GRID2: variants seen among roughly 807,000 people sequenced by gnomAD.
The protein encoded by GRID2 is glutamate receptor ionotropic, delta-2.
GRID2 carries 33 observed loss-of-function variants against 114.8 expected under a neutral mutation model. The observed-to-expected ratio is 0.29, with a 90% confidence interval of 0.22 to 0.38. The LOEUF (loss-of-function observed/expected upper bound fraction) is 0.38, where lower values mean the gene tolerates loss of function less well. Among genes scored for constraint, GRID2 ranks in the 10% least tolerant of loss-of-function variants. The probability of loss-of-function intolerance (pLI) is 1.00; values close to 1 mark genes in which losing one functional copy is unlikely to be tolerated. For synonymous variants in GRID2, 505 were observed against 449.9 expected, an observed-to-expected ratio of 1.12 and a Z score of -1.55; for missense variants, 1,184 against 1,257.7, an observed-to-expected ratio of 0.94 and a Z score of 0.89.
chr4:92,349,735 C>T (rs1425024175), intron 1 of GRID2, among the ~76,000 whole-genome samples: 1 of 151,450 alleles, frequency 6.6e-6, no homozygotes, highest in Non-Finnish European at 1.5e-5. Context: ...TATAAAAATA[C>T]AATTGAGGAT....
At chr4:93,235,465 C>T (rs541654804) in intron 7 of GRID2, among the ~76,000 whole-genome samples, 20 of 152,058 alleles carry the variant, frequency 1.3e-4, no homozygotes, top group South Asian at 4.2e-4. Flanking sequence ...CACCAAGGCT[C>T]TGTTTTCAAG....
intron 14 of GRID2, among the ~76,000 whole-genome samples, chr4:93,718,579 T>C (rs566323410): frequency 6.6e-6 from 1 of 152,294 alleles, no homozygotes; most frequent in African/African-American, 2.4e-5. Context: ...CCAAAGCACC[T>C]AAAACAATAG....
intron 2 of GRID2, among the ~76,000 whole-genome samples, chr4:92,661,742 T>G (rs560516220): frequency 6.6e-6 from 1 of 150,996 alleles, no homozygotes; most frequent in African/African-American, 2.4e-5. Context: ...GATGTATATG[T>G]TTAATTTCTC....
intron 8 of GRID2, among the ~76,000 whole-genome samples, chr4:93,377,647 A>G (rs1356725866): frequency 2.0e-5 from 3 of 152,210 alleles, no homozygotes; most frequent in Non-Finnish European, 4.4e-5. Flanking sequence ...TACCAAATAT[A>G]TTTCAAAATA....
intron 2 of GRID2, among the ~76,000 whole-genome samples, chr4:92,766,460 C>G (rs549476190): frequency 6.6e-6 from 1 of 150,874 alleles, no homozygotes; most frequent in Admixed American, 6.6e-5. Flanking sequence ...TGGCGTGAAC[C>G]CAGGAGGTGG....
intron 1 of GRID2, among the ~76,000 whole-genome samples, chr4:92,391,914 T>G (rs955284753): frequency 2.6e-5 from 4 of 152,236 alleles, no homozygotes; most frequent in Non-Finnish European, 5.9e-5. Flanking sequence ...TGGTGTCTGC[T>G]GCTAAAATCA....
chr4:92,490,748 C>T (rs141690794), intron 1 of GRID2, among the ~76,000 whole-genome samples: 2 of 152,212 alleles, frequency 1.3e-5, no homozygotes, highest in African/African-American at 2.4e-5. Flanking sequence ...AGAGGCCGTC[C>T]TCTCCAAAGT....
intron 2 of GRID2, among the ~76,000 whole-genome samples, chr4:92,624,544 A>AT (rs1730428332): frequency 1.3e-5 from 2 of 151,706 alleles, no homozygotes; most frequent in East Asian, 1.9e-4. Flanking sequence ...TCATCAAAAT[A>AT]TTTTTTTCCA....
At chr4:93,600,228 C>T (rs1326594976) in intron 13 of GRID2, among the ~76,000 whole-genome samples, 1 of 151,368 alleles carries the variant, frequency 6.6e-6, no homozygotes, top group Admixed American at 6.6e-5. Flanking sequence ...TTGGATTTTA[C>T]AAAAACAAAA....
intron 13 of GRID2, among the ~76,000 whole-genome samples, chr4:93,559,298 C>T (rs1172038027): frequency 2.0e-5 from 3 of 152,092 alleles, no homozygotes; most frequent in Non-Finnish European, 2.9e-5. Flanking sequence ...AGTGAACAGG[C>T]AACCTACAGA....
chr4:93,629,357 T>A (rs1052088677), intron 14 of GRID2, among the ~76,000 whole-genome samples: 1 of 152,178 alleles, frequency 6.6e-6, no homozygotes, highest in African/African-American at 2.4e-5. Flanking sequence ...CCTGGACATA[T>A]GGAGAAAAGG....
intron 1 of GRID2, among the ~76,000 whole-genome samples, chr4:92,426,294 C>T (rs973027743): frequency 2.6e-5 from 4 of 151,948 alleles, no homozygotes; most frequent in Non-Finnish European, 5.9e-5. Flanking sequence ...TCTTGGTCCA[C>T]GGAATATATG....
intron 4 of GRID2, among the ~76,000 whole-genome samples, chr4:93,139,967 T>C (rs1001485819): frequency 6.6e-6 from 1 of 152,066 alleles, no homozygotes; most frequent in Non-Finnish European, 1.5e-5. Flanking sequence ...GCACATAGCA[T>C]ATAAAGGAAG....
At chr4:93,042,711 A>G (rs537211700) in intron 2 of GRID2, among the ~76,000 whole-genome samples, 1 of 145,432 alleles carries the variant, frequency 6.9e-6, no homozygotes, top group Non-Finnish European at 1.5e-5. Flanking sequence ...ATGCATATAT[A>G]TATAGATATA....
At chr4:92,614,966 C>T (rs1231498630) in intron 2 of GRID2, among the ~76,000 whole-genome samples, 1 of 149,250 alleles carries the variant, frequency 6.7e-6, no homozygotes, top group Admixed American at 6.7e-5. Flanking sequence ...CTTTTAGTAA[C>T]CTCATTTACC....
At chr4:92,704,029 C>A (rs1008819857) in intron 2 of GRID2, among the ~76,000 whole-genome samples, 2 of 152,144 alleles carry the variant, frequency 1.3e-5, no homozygotes, top group Non-Finnish European at 2.9e-5. Flanking sequence ...TGAATCCCAG[C>A]ACTTTTGGAG....
At position 93,772,499 on chromosome 4, in the gene GRID2, G is replaced by A. The variant is rs769414097; in HGVS notation, c.*1G>A. Reference sequence around the variant, plus strand: ...TCCAGACCGAGGCACCTCCATATGAGCATCAAACAAATCTCTTCACTGTTT... The same window carrying A: ...TCCAGACCGAGGCACCTCCATATGAACATCAAACAAATCTCTTCACTGTTT... On this transcript the variant is annotated 3_prime_UTR_variant, in exon 16 of 16. Transcript: ENST00000282020. 5 of 1,563,302 alleles carry A rather than the reference G, an allele frequency of 3.2e-6. No individual in the cohort carries two copies. The highest frequency in any genetic ancestry group is 1.4e-5 in the African/African-American group (1 of 73,010).
Position 93,769,423 on chromosome 4 carries a change from G to A in GRID2, c.2574G>A (p.Arg858=), listed in dbSNP as rs1733939667. ...IAMLETWWNK[R]KGSRVPSKED... Reference sequence around the variant, plus strand: ...TGCTGGAGACGTGGTGGAACAAGAGGAAAGGCTCCCGGGTTCCATCAAAAG... The same window carrying A: ...TGCTGGAGACGTGGTGGAACAAGAGAAAAGGCTCCCGGGTTCCATCAAAAG... Residue 858 remains arginine, a synonymous_variant, in exon 15 of 16, where the codon AGG becomes AGA. Coordinates refer to ENST00000282020, the MANE Select transcript of GRID2 (RefSeq NM_001510.4). 1 of 1,613,904 alleles carries A rather than the reference G, an allele frequency of 6.2e-7. No homozygotes were observed. The highest frequency in any genetic ancestry group is 2.2e-5 in the East Asian group (1 of 44,870).
At chr4:93,177,212 T>C (rs1029380610) in intron 4 of GRID2, among the ~76,000 whole-genome samples, 2 of 151,996 alleles carry the variant, frequency 1.3e-5, no homozygotes, top group African/African-American at 4.8e-5. Flanking sequence ...GCAAAGTGTA[T>C]ACAAATGAGG....
Sources: gnomAD v4.1 joint callset for allele counts (sites outside exome capture counted in the v4.1 genomes callset) on GRCh38, gnomAD v4.1.1 for gene constraint, MANE v1.5 for transcripts, NCBI Gene and HGNC (gene_info 2026-07-23, HGNC 2026-07-21) for gene names.